The following CREB1 variants were observed in gnomAD, a reference collection of about 807,000 sequenced individuals.
CREB1 encodes cyclic AMP-responsive element-binding protein 1.
A neutral mutation model predicts 42.0 loss-of-function variants in CREB1; 2 were observed. The observed-to-expected ratio is 0.05, with a 90% CI of 0.02 to 0.15. The LOEUF is 0.15. Among genes scored for constraint, CREB1 ranks in the 10% least tolerant of loss-of-function variants. CREB1 has a pLI of 1.00. For missense variants in CREB1, 199 were observed against 388.9 expected, an observed-to-expected ratio of 0.51 and a Z score of 4.11; for synonymous variants, 123 against 139.9, an observed-to-expected ratio of 0.88 and a Z score of 0.85.
intron 1 of CREB1, among the ~76,000 whole-genome samples, chr2:207,533,313 G>A (rs961439764): frequency 2.6e-5 from 4 of 151,788 alleles, no homozygotes; most frequent in South Asian, 2.1e-4. Context: ...TCTTGATTAG[G>A]TCTCATTATT....
chr2:207,567,398 T>A, intron 3 of CREB1, 65 bp from the exon 4 acceptor site: 1 of 1,157,820 alleles, frequency 8.6e-7, no homozygotes, highest in Non-Finnish European at 1.3e-6. Context: ...TTTTTATATT[T>A]GTTTAATAAA....
At chr2:207,587,268 C>G (rs895346520) in intron 7 of CREB1, among the ~76,000 whole-genome samples, 31 of 151,914 alleles carry the variant, frequency 2.0e-4, no homozygotes, top group African/African-American at 5.6e-4. Flanking sequence ...TGGCGGGTGC[C>G]TGTAGTCCCA....
intron 1 of CREB1, among the ~76,000 whole-genome samples, chr2:207,533,498 C>T (rs1463787618): frequency 6.6e-6 from 1 of 152,092 alleles, no homozygotes; most frequent in African/African-American, 2.4e-5. Context: ...TAACCTAATG[C>T]TTACAATATA....
At position 207,567,558 on chromosome 2, in the gene CREB1, C is replaced by G. The variant is rs1222032394; in HGVS notation, c.357C>G (p.Ser119=). The G allele has an allele frequency of 6.2e-7, 1 of 1,605,166 alleles. No homozygotes were observed. Among genetic ancestry groups the G allele is most frequent in the Non-Finnish European group, 8.5e-7 (1 of 1,172,838 alleles). Residue 119 remains serine, a synonymous_variant, in exon 4 of 8, where the codon TCC becomes TCG. Coordinates refer to ENST00000353267, the MANE Select transcript of CREB1 (RefSeq NM_004379.5). ...GGGAAATTCTTTCAAGGAGGCCTTC[C>G]TACAGGTATGGAATTTAATAGTTAG... ...KRREILSRRP[S]YRKILNDLSS...
intron 3 of CREB1, among the ~76,000 whole-genome samples, chr2:207,563,546 A>G (rs1343233755): frequency 6.6e-6 from 1 of 152,332 alleles, no homozygotes; most frequent in East Asian, 1.9e-4. Context: ...AAATGCACCT[A>G]GTTTTGTTAT....
intron 1 of CREB1, among the ~76,000 whole-genome samples, chr2:207,544,726 C>T (rs960487232): frequency 6.6e-6 from 1 of 152,112 alleles, no homozygotes; most frequent in Non-Finnish European, 1.5e-5. Context: ...ACCCCCAACC[C>T]TCTGACAGGC....
intron 5 of CREB1, among the ~76,000 whole-genome samples, chr2:207,573,200 A>G (rs746371997): frequency 6.6e-6 from 1 of 151,954 alleles, no homozygotes; most frequent in Non-Finnish European, 1.5e-5. Flanking sequence ...CCGTTACTTG[A>G]CTTCTGTCTT....
chr2:207,544,813 C>T (rs757042127), intron 1 of CREB1, among the ~76,000 whole-genome samples: 4 of 152,168 alleles, frequency 2.6e-5, no homozygotes, highest in Non-Finnish European at 5.9e-5. Flanking sequence ...CAAATGAGAA[C>T]ATGCGGTATT....
At chr2:207,547,702 A>G (rs916970724) in intron 1 of CREB1, among the ~76,000 whole-genome samples, 4 of 152,072 alleles carry the variant, frequency 2.6e-5, no homozygotes, top group African/African-American at 7.2e-5. Flanking sequence ...TTGCTAAGCA[A>G]CACTGTCTCT....
chr2:207,562,298 G>A (rs2081984760), intron 3 of CREB1, among the ~76,000 whole-genome samples: 1 of 152,064 alleles, frequency 6.6e-6, no homozygotes, highest in African/African-American at 2.4e-5. Context: ...TTCACTTATA[G>A]AAGATCTTTC....
At chr2:207,554,096 C>CG (rs147947954) in intron 1 of CREB1, among the ~76,000 whole-genome samples, 25 of 152,110 alleles carry the variant, frequency 1.6e-4, no homozygotes, top group African/African-American at 6.0e-4. Context: ...ATATTACTAT[C>CG]GATTATATGG....
At chr2:207,562,581 A>G (rs529063952) in intron 3 of CREB1, among the ~76,000 whole-genome samples, 3 of 152,310 alleles carry the variant, frequency 2.0e-5, no homozygotes, top group South Asian at 4.1e-4. Context: ...TTTATAAAAG[A>G]AAAGTTGGAC....
At chr2:207,595,992 A>G (rs1447081977) in intron 7 of CREB1, among the ~76,000 whole-genome samples, 1 of 152,080 alleles carries the variant, frequency 6.6e-6, no homozygotes, top group Non-Finnish European at 1.5e-5. Context: ...ATATAGTCCT[A>G]TTTGTCTATT....
chr2:207,599,667 T>C lies in CREB1; in HGVS notation c.*2609T>C, dbSNP rs1575058834. On this transcript the variant is annotated 3_prime_UTR_variant, in exon 8 of 8. Coordinates refer to ENST00000353267, the MANE Select transcript of CREB1 (RefSeq NM_004379.5). ...ACTTGAAGATTTCAGTTTATAAAGA[T>C]AAAATCAAGCATCTTTTGTGCAGTT... The C allele has an allele frequency of 5.0e-6, 1 of 199,512 alleles. No homozygotes were observed. The highest frequency in any genetic ancestry group is 7.8e-5 in the East Asian group (1 of 12,858). 12.4% of individuals were successfully genotyped at this position (199,512 alleles called of 1,614,324 possible).
intron 1 of CREB1, among the ~76,000 whole-genome samples, chr2:207,540,669 T>TAAAAAAAAAA (rs35714520): frequency 1.1e-3 from 69 of 64,260 alleles, no homozygotes; most frequent in African/African-American, 2.8e-3. Context: ...GTTTAAAAAG[T>TAAAAAAAAAA]AAAAAAAAAA....
Position 207,598,770 on chromosome 2 carries a change from C to T in CREB1, c.*1712C>T, listed in dbSNP as rs1348909334. On this transcript the variant is annotated 3_prime_UTR_variant, in exon 8 of 8. Coordinates refer to ENST00000353267, the MANE Select transcript of CREB1 (RefSeq NM_004379.5). Reference sequence around the variant, plus strand: ...GTTGAGGCAGCAGAATTGCTTGAACCCAGGAGGCAGAGGGTTGCAGTGAGC... The same window carrying T: ...GTTGAGGCAGCAGAATTGCTTGAACTCAGGAGGCAGAGGGTTGCAGTGAGC... 1 of 167,016 alleles carries T rather than the reference C, an allele frequency of 6.0e-6. No individual in the cohort carries two copies. The highest frequency in any genetic ancestry group is 1.3e-5 in the Non-Finnish European group (1 of 76,924). 10.3% of individuals were successfully genotyped at this position (167,016 alleles called of 1,614,324 possible).
At chr2:207,591,370 ATTCC>A (rs376737230) in intron 7 of CREB1, among the ~76,000 whole-genome samples, 32 of 152,292 alleles carry the variant, frequency 2.1e-4, no homozygotes, top group African/African-American at 7.5e-4. Context: ...CCCTGACAAT[ATTCC>A]TTCTTCAGAA....
intron 1 of CREB1, among the ~76,000 whole-genome samples, chr2:207,545,844 C>T (rs2709355): frequency 0.97 from 146,529 of 151,622 alleles, 71,019 homozygotes; most frequent in East Asian, 1. Context: ...AGCGATTCTC[C>T]TGCCTCAGCC....
At chr2:207,557,025 G>A (rs73056905) in intron 2 of CREB1, among the ~76,000 whole-genome samples, 11,951 of 151,984 alleles carry the variant, frequency 0.079, 909 homozygotes, top group East Asian at 0.23. Flanking sequence ...TAAATCCAGC[G>A]ACCTTAGAAG....
Sources: gnomAD v4.1 joint callset for allele counts (sites outside exome capture counted in the v4.1 genomes callset) on GRCh38, gnomAD v4.1.1 for gene constraint, MANE v1.5 for transcripts, NCBI Gene and HGNC (gene_info 2026-07-23, HGNC 2026-07-21) for gene names.